Variants in SLC41A1 observed in about 807,000 individuals in gnomAD.
The protein encoded by SLC41A1 is solute carrier family 41 (magnesium transporter), member 1.
SLC41A1 carries 20 observed loss-of-function variants against 47.3 expected under a neutral mutation model. The ratio of observed to expected loss-of-function variants is 0.42; its 90% CI spans 0.30 to 0.61. The LOEUF (loss-of-function observed/expected upper bound fraction) is 0.61, where lower values mean the gene tolerates loss of function less well. SLC41A1 is among the 20% of genes least tolerant of loss of function. The pLI is 0.17. For synonymous variants in SLC41A1, 282 were observed against 272.7 expected (o/e 1.03, Z -0.34); for missense variants, 504 against 674.1 (o/e 0.75, Z 2.79).
At chr1:205,797,882 G>T (rs1558080007) in intron 7 of SLC41A1, 22 bp downstream of exon 7, 2 of 1,613,824 alleles carry the variant, frequency 1.2e-6, no homozygotes, top group East Asian at 4.5e-5. Context: ...GGTAGGAGTG[G>T]ATACTCAGGG....
At chr1:205,804,333 C>T (rs708729) in intron 2 of SLC41A1, among the ~76,000 whole-genome samples, 100,166 of 151,922 alleles carry the variant, frequency 0.66, 37,228 homozygotes, top group Non-Finnish European at 0.82. Flanking sequence ...CTGGAGCATA[C>T]GCTTGCCTGA....
At chr1:205,796,544 TC>T in intron 8 of SLC41A1, 1 of 291,940 alleles carries the variant, frequency 3.4e-6, no homozygotes, top group Non-Finnish European at 6.7e-6. Flanking sequence ...CATGAGGCCC[TC>T]ACTAGAAGCA....
intron 10 of SLC41A1, 47 bp downstream of exon 10, chr1:205,794,823 A>G (rs752327169): frequency 1.2e-6 from 2 of 1,611,296 alleles, no homozygotes; most frequent in Non-Finnish European, 1.7e-6. Context: ...CCATCCCTGC[A>G]GGGCATCCTG....
rs780727312 is a variant in SLC41A1 at position 205,797,795 on chromosome 1, T to C, written c.992+109A>G. On this transcript the variant is annotated intron_variant, in intron 7 of 10. Transcript: ENST00000367137. ...GAAGGACATGTGACTGAAACACTAA[T>C]GAACACATTTCTAGGGTCTGACCCC... is the stretch of plus-strand genomic sequence containing the variant. 35 of 1,368,776 alleles carry C rather than the reference T, an allele frequency of 2.6e-5. No homozygotes were observed. In the East Asian group the frequency reaches 3.0e-4, roughly 12 times the overall value. 84.8% of individuals were successfully genotyped at this position (1,368,776 alleles called of 1,614,324 possible). A position where few individuals can be genotyped will look rare whatever the true frequency, so the allele number is the denominator to read the frequency against.
intron 2 of SLC41A1, among the ~76,000 whole-genome samples, chr1:205,808,286 C>A (rs116759226): frequency 0.01 from 1,534 of 152,304 alleles, 21 homozygotes; most frequent in African/African-American, 0.035. Flanking sequence ...AACTGGTGAA[C>A]CATGGCCATG....
chr1:205,805,345 T>C (rs1354640940), intron 2 of SLC41A1, among the ~76,000 whole-genome samples: 1 of 152,182 alleles, frequency 6.6e-6, no homozygotes, highest in Non-Finnish European at 1.5e-5. Context: ...AAAGAGATGC[T>C]GGAGGCTGGA....
chr1:205,801,920 T>A (rs1346505830), intron 2 of SLC41A1, among the ~76,000 whole-genome samples: 1 of 152,198 alleles, frequency 6.6e-6, no homozygotes, highest in East Asian at 1.9e-4. Flanking sequence ...TTTATTCTCA[T>A]TTTGTGAATG....
Position 205,798,000 on chromosome 1 carries a change from A to C in SLC41A1, c.896T>G (p.Leu299Arg), listed in dbSNP as rs750079228. 2 of 1,614,168 alleles carry C rather than the reference A, an allele frequency of 1.2e-6. No homozygotes were observed. The highest frequency in any genetic ancestry group is 2.2e-5 in the South Asian group (2 of 91,068). ...PLVCAFFVALLPVWVVLARRS... is the reference protein window; with the variant it reads ...PLVCAFFVALRPVWVVLARRS... ...TCGGGCCAGCACCACCCAGACAGGC[A>C]GCAGGGCCACAAAGAAAGCACACAC... The change falls in exon 7 of 11, where the codon CTG (leucine) becomes CGG (arginine). Residue 299 changes from leucine to arginine, a missense_variant. Physicochemically the swap from Leu to Arg is moderately radical, Grantham distance 102. Coordinates refer to ENST00000367137, the MANE Select transcript of SLC41A1 (RefSeq NM_173854.6).
At chr1:205,804,379 G>C (rs1269466196) in intron 2 of SLC41A1, among the ~76,000 whole-genome samples, 1 of 152,078 alleles carries the variant, frequency 6.6e-6, no homozygotes, top group East Asian at 1.9e-4. Flanking sequence ...ACTCTCCTTA[G>C]GGAAGCCCCA....
intron 7 of SLC41A1, among the ~76,000 whole-genome samples, chr1:205,797,473 G>A (rs1344726234): frequency 1.3e-5 from 2 of 152,248 alleles, no homozygotes; most frequent in Non-Finnish European, 2.9e-5. Flanking sequence ...CCAAGGCCAC[G>A]CTGACTGGTT....
At chr1:205,797,799 C>G (rs1281656653) in intron 7 of SLC41A1, 105 bp downstream of exon 7, 2 of 1,402,816 alleles carry the variant, frequency 1.4e-6, no homozygotes, top group Non-Finnish European at 2.0e-6. Context: ...CACTAATGAA[C>G]ACATTTCTAG....
chr1:205,794,287 G>A (rs550298541), intron 10 of SLC41A1, among the ~76,000 whole-genome samples: 1 of 152,334 alleles, frequency 6.6e-6, no homozygotes, highest in Non-Finnish European at 1.5e-5. Flanking sequence ...TTGGGTAATG[G>A]TATATGGGAT....
chr1:205,794,974 G>C lies in SLC41A1; in HGVS notation c.1252C>G (p.Pro418Ala). The change falls in exon 10 of 11, where the codon CCA becomes GCA. Residue 418 changes from proline to alanine, a missense_variant. Coordinates refer to ENST00000367137, the MANE Select transcript of SLC41A1 (RefSeq NM_173854.6). ...GTGTAGAGGAACACCAGGTGTCCTGGGACCACGAGGAGGAAGAGGACCCGG... is the reference window on the plus strand; with the variant it reads ...GTGTAGAGGAACACCAGGTGTCCTGCGACCACGAGGAGGAAGAGGACCCGG... ...SARVLFLLVV[P>A]GHLVFLYTIS... 3 of 1,614,014 alleles carry C rather than the reference G, an allele frequency of 1.9e-6. No homozygotes were observed. Among genetic ancestry groups the C allele is most frequent in the Non-Finnish European group, 2.5e-6 (3 of 1,180,008 alleles).
chr1:205,791,713 C>G lies in SLC41A1; in HGVS notation c.1362G>C (p.Leu454=). Residue 454 remains leucine, a synonymous_variant, in exon 11 of 11, where the codon CTG becomes CTC. Coordinates refer to ENST00000367137, the MANE Select transcript of SLC41A1 (RefSeq NM_173854.6). The surrounding 1 kb of genome is among the most constrained non-coding windows in gnomAD (Gnocchi z 4.0). ...TCCAGTCTGCGATGTACAGGAGAAT[C>G]AGCACCTGGGGAGACAAAAGGGCCC... ...FYMTAALLQV[L]ILLYIADWMV... 2 of 1,613,554 alleles carry G rather than the reference C, an allele frequency of 1.2e-6. No individual in the cohort carries two copies. The highest frequency in any genetic ancestry group is 1.7e-6 in the Non-Finnish European group (2 of 1,179,994).
intron 10 of SLC41A1, among the ~76,000 whole-genome samples, chr1:205,793,447 T>G (rs1394619510): frequency 1.3e-5 from 2 of 152,204 alleles, no homozygotes; most frequent in Non-Finnish European, 2.9e-5. Flanking sequence ...TCCCACCACG[T>G]GCTGCACTGG....
chr1:205,800,136 C>G (rs905375953), intron 3 of SLC41A1, among the ~76,000 whole-genome samples: 4 of 152,224 alleles, frequency 2.6e-5, no homozygotes, highest in African/African-American at 9.6e-5. Flanking sequence ...TCTGGGCAGC[C>G]CATTCCTGCA....
At position 205,810,858 on chromosome 1, in the gene SLC41A1, G is replaced by A; in HGVS notation, c.-417C>T. ...TGAAGTGGCCCCTCTTCCGTAAAAA[G>A]CAGCTTGAGTTCAAATCTTTCAGAA... On this transcript the variant is annotated 5_prime_UTR_variant, in exon 2 of 11. Coordinates refer to ENST00000367137, the MANE Select transcript of SLC41A1 (RefSeq NM_173854.6). This position sits in a 1 kb window ranked among gnomAD's most constrained non-coding sequence, Gnocchi z 5.5. 1 of 223,428 alleles carries A rather than the reference G, an allele frequency of 4.5e-6. No individual in the cohort carries two copies. The highest frequency in any genetic ancestry group is 6.8e-5 in the South Asian group (1 of 14,660). The allele number at this position is 223,428 out of a possible 1,614,324, so 13.8% of individuals were successfully genotyped here. A position where few individuals can be genotyped will look rare whatever the true frequency, so the allele number is the denominator to read the frequency against.
In SLC41A1 at chr1:205,796,967, G is replaced by A. The variant is rs777624807; in HGVS notation, c.1029C>T (p.Asp343=). 1 of 1,613,454 alleles carries A rather than the reference G, an allele frequency of 6.2e-7. No individual in the cohort carries two copies. Among genetic ancestry groups the A allele is most frequent in the Admixed American group, 1.7e-5 (1 of 59,900 alleles). ...GGLILDKTVS[D]PNFAGMAVFT... is the part of the protein sequence containing the mutation. Reference sequence around the variant, plus strand: ...AGACAGCCATCCCAGCAAAGTTGGGGTCTGAGACAGTCTTGTCCAAGATGA... The same window carrying A: ...AGACAGCCATCCCAGCAAAGTTGGGATCTGAGACAGTCTTGTCCAAGATGA... Residue 343 remains aspartate, a synonymous_variant, in exon 8 of 11, where the codon GAC becomes GAT. Coordinates refer to ENST00000367137, the MANE Select transcript of SLC41A1 (RefSeq NM_173854.6).
intron 10 of SLC41A1, among the ~76,000 whole-genome samples, chr1:205,792,544 C>T (rs1655648324): frequency 1.3e-5 from 2 of 152,212 alleles, no homozygotes; most frequent in African/African-American, 4.8e-5. Context: ...GCAGCATCAA[C>T]AACAGCTGGG....
Sources: gnomAD v4.1 joint callset for allele counts (sites outside exome capture counted in the v4.1 genomes callset) on GRCh38, gnomAD v4.1.1 for gene constraint, Gnocchi (gnomAD v3.1) non-coding constraint, MANE v1.5 for transcripts, NCBI Gene and HGNC (gene_info 2026-07-23, HGNC 2026-07-21) for gene names.